Variants in SLC4A1 observed in about 807,000 individuals in gnomAD.
SLC4A1 encodes solute carrier family 4 member 1 (Diego blood group).
Under a neutral mutation model 93.1 loss-of-function variants are expected in SLC4A1, and 29 were observed. The observed-to-expected ratio is 0.31, with a 90% CI of 0.23 to 0.42. The LOEUF is 0.42. Among genes scored for constraint, SLC4A1 ranks in the 20% least tolerant of loss-of-function variants. The pLI, the probability that SLC4A1 is intolerant of heterozygous loss-of-function variation, is 1.00. For synonymous variants in SLC4A1, 469 were observed against 497.2 expected, an observed-to-expected ratio of 0.94 and a Z score of 0.76; for missense variants, 965 against 1,190.1, an observed-to-expected ratio of 0.81 and a Z score of 2.78.
chr17:44,253,020 G>A, intron 17 of SLC4A1, 98 bp downstream of exon 17: 1 of 1,275,414 alleles, frequency 7.8e-7, no homozygotes, highest in South Asian at 1.2e-5. Flanking sequence ...GATGGGGGAG[G>A]CTGGAGGAGG....
rs5013 is a variant in SLC4A1 at position 44,258,576 on chromosome 17, C to T, written c.924G>A (p.Leu308=). The T allele has an allele frequency of 2.9e-3, 4,669 of 1,612,792 alleles. 132 individuals are homozygous for T. In the African/African-American group the frequency reaches 0.056, roughly 19 times the overall value. ...AYMAQSRGEL[L]HSLEGFLDCS... is the part of the protein sequence containing the mutation. Reference sequence around the variant, plus strand: ...AGTCCAGGAAGCCCTCTAGGGAGTGCAGCAGCTCCCCTCGGCTCTGAGCCA... The same window carrying T: ...AGTCCAGGAAGCCCTCTAGGGAGTGTAGCAGCTCCCCTCGGCTCTGAGCCA... Residue 308 remains leucine, a synonymous_variant, in exon 10 of 20, where the codon CTG becomes CTA. Transcript: ENST00000262418. The surrounding 1 kb of genome is among the most constrained non-coding windows in gnomAD (Gnocchi z 6.1).
chr17:44,254,636 C>T lies in SLC4A1; in HGVS notation c.1917G>A (p.Lys639=). 2 of 1,614,104 alleles carry T rather than the reference C, an allele frequency of 1.2e-6. No individual in the cohort carries two copies. Among genetic ancestry groups the T allele is most frequent in the Non-Finnish European group, 8.5e-7 (1 of 1,180,020 alleles). The change falls in exon 16 of 20, where the codon AAG becomes AAA. Residue 639 remains lysine (K), a synonymous_variant. Transcript: ENST00000262418. ...TQKLSVPDGF[K]VSNSSARGWV... Reference sequence around the variant, plus strand: ...AGCCCCGGGCTGAGGAGTTGGACACCTTGAAGCCATCAGGCACCGAGAGTT... The same window carrying T: ...AGCCCCGGGCTGAGGAGTTGGACACTTTGAAGCCATCAGGCACCGAGAGTT...
At chr17:44,267,368 A>G (rs191465712) in intron 1 of SLC4A1, among the ~76,000 whole-genome samples, 1 of 152,338 alleles carries the variant, frequency 6.6e-6, no homozygotes, top group East Asian at 1.9e-4. Context: ...TGTTGTAAGC[A>G]TTAAGGAAAT....
intron 16 of SLC4A1, 42 bp downstream of exon 16, chr17:44,254,454 G>GCCAA: frequency 2.0e-6 from 3 of 1,502,200 alleles, no homozygotes; most frequent in Non-Finnish European, 2.8e-6. Context: ...AAAGGTCCCT[G>GCCAA]CCTCCCACCC....
chr17:44,262,225 C>T (rs2047451975), intron 3 of SLC4A1, among the ~76,000 whole-genome samples: 1 of 152,070 alleles, frequency 6.6e-6, no homozygotes, highest in African/African-American at 2.4e-5. Context: ...AGACCTTGGA[C>T]AGGCCAGGGA....
At position 44,255,810 on chromosome 17, in the gene SLC4A1, A is replaced by G; in HGVS notation, c.1663T>C (p.Tyr555His). The change falls in exon 14 of 20, where the codon TAC becomes CAC. Residue 555 changes from tyrosine (Y) to histidine (H), a missense_variant. Coordinates refer to ENST00000262418, the MANE Select transcript of SLC4A1 (RefSeq NM_000342.4). Reference sequence around the variant, plus strand: ...GGTTTGGGCACCATCAACACGTTGTAGTTATAAGTCTTCTGTAGTGGGTGG... The same window carrying G: ...GGTTTGGGCACCATCAACACGTTGTGGTTATAAGTCTTCTGTAGTGGGTGG... ...QDHPLQKTYN[Y>H]NVLMVPKPQG... 6.2e-7 allele frequency: 1 copy of G among 1,614,142 alleles called. No homozygotes were observed. Among genetic ancestry groups the G allele is most frequent in the Non-Finnish European group, 8.5e-7 (1 of 1,180,022 alleles).
chr17:44,254,471 GC>G (rs758647709), intron 16 of SLC4A1, 24 bp downstream of exon 16: 1 of 1,507,950 alleles, frequency 6.6e-7, no homozygotes, highest in Non-Finnish European at 9.2e-7. Flanking sequence ...ACCCTCCCAG[GC>G]CCAGCCCCCA....
In SLC4A1 at chr17:44,259,927, G is replaced by A; in HGVS notation, c.491C>T (p.Ala164Val). The A allele has an allele frequency of 1.9e-6, 3 of 1,613,938 alleles. No homozygotes were observed. The highest frequency in any genetic ancestry group is 1.1e-5 in the South Asian group (1 of 91,080). Residue 164 changes from alanine to valine, a missense_variant, in exon 7 of 20, where the codon GCT becomes GTT. This residue lies in a region of SLC4A1 where 770 missense variants were observed against 1,006.6 expected (regional missense o/e 0.76). Coordinates refer to ENST00000262418, the MANE Select transcript of SLC4A1 (RefSeq NM_000342.4). Reference sequence around the variant, plus strand: ...ACCCCCCAGGGCCTCCAGCTCTCCAGCGTGGCTGCAGGACGTACAGGGGAC... The same window carrying A: ...ACCCCCCAGGGCCTCCAGCTCTCCAACGTGGCTGCAGGACGTACAGGGGAC... ...LRALLLKHSH[A>V]GELEALGGVK...
rs748658155 is a variant in SLC4A1 at position 44,259,511 on chromosome 17, G to A, written c.680C>T (p.Thr227Met). 8.7e-6 allele frequency: 14 copies of A among 1,613,824 alleles called. 1 individual carries two copies. In the South Asian group the frequency reaches 8.8e-5, roughly 10 times the overall value. The change falls in exon 8 of 20, where the codon ACG becomes ATG. Residue 227 changes from threonine (T) to methionine (M), a missense_variant. By Grantham distance (81) the Thr-to-Met change is moderately conservative. This residue lies in a region of SLC4A1 where 770 missense variants were observed against 1,006.6 expected (regional missense o/e 0.76). Coordinates refer to ENST00000262418, the MANE Select transcript of SLC4A1 (RefSeq NM_000342.4). The part of the protein sequence containing the change: ...LEKIPPDSEA[T>M]LVLVGRADFL... ...CCTGTTCTTACCCACTAGCACCAAC[G>A]TGGCCTCTGAATCCGGGGGAATCTT... is the stretch of plus-strand genomic sequence containing the variant.
chr17:44,250,251 C>G lies in SLC4A1; in HGVS notation c.*207G>C, dbSNP rs1364396208. On this transcript the variant is annotated 3_prime_UTR_variant, in exon 20 of 20. Transcript: ENST00000262418. The stretch of plus-strand genomic sequence containing the variant: ...TGCAACAAACCCCCTAATGTGGGCC[C>G]CATCGGCCATCCCCAGCCAGAAAAG... 1.4e-5 allele frequency: 8 copies of G among 570,086 alleles called. No individual in the cohort carries two copies. The highest frequency in any genetic ancestry group is 2.5e-5 in the Non-Finnish European group (8 of 313,990). 35.3% of individuals were successfully genotyped at this position (570,086 alleles called of 1,614,324 possible).
rs2047319349 is a variant in SLC4A1 at position 44,249,304 on chromosome 17, A to G, written c.*1154T>C. ...GGAGAGCCTGCTGTCTCCTACCCCAATTGGTCAGATCTGGGTTCTCCCCAA... is the reference window on the plus strand; with the variant it reads ...GGAGAGCCTGCTGTCTCCTACCCCAGTTGGTCAGATCTGGGTTCTCCCCAA... On this transcript the variant is annotated 3_prime_UTR_variant, in exon 20 of 20. Transcript: ENST00000262418. The G allele has an allele frequency of 1.5e-5, 6 of 404,008 alleles. No homozygotes were observed. The highest frequency in any genetic ancestry group is 7.4e-5 in the South Asian group (4 of 53,956). The allele number at this position is 404,008 out of a possible 1,614,324, so 25.0% of individuals were successfully genotyped here.
intron 15 of SLC4A1, 54 bp downstream of exon 15, chr17:44,255,153 T>A: frequency 8.4e-7 from 1 of 1,190,330 alleles, no homozygotes; most frequent in Non-Finnish European, 1.2e-6. Context: ...TGCTGGGGGG[T>A]GGAAATGAGG....
At position 44,258,378 on chromosome 17, in the gene SLC4A1, G is replaced by A. The variant is rs747869431; in HGVS notation, c.1087+35C>T. Reference sequence around the variant, plus strand: ...CGCTGAGGTGTCTGGGGGTCGGTGGGGGCTCAGAAAGCCTCAGCTGGGAAG... The same window carrying A: ...CGCTGAGGTGTCTGGGGGTCGGTGGAGGCTCAGAAAGCCTCAGCTGGGAAG... On this transcript the variant is annotated intron_variant, in intron 10 of 19. Coordinates refer to ENST00000262418, the MANE Select transcript of SLC4A1 (RefSeq NM_000342.4). The surrounding 1 kb of genome is among the most constrained non-coding windows in gnomAD (Gnocchi z 6.1). 22 of 1,601,070 alleles carry A rather than the reference G, an allele frequency of 1.4e-5. No individual in the cohort carries two copies. The highest frequency in any genetic ancestry group is 1.9e-5 in the Non-Finnish European group (22 of 1,168,496).
Position 44,249,151 on chromosome 17 carries a change from T to G in SLC4A1, c.*1307A>C, listed in dbSNP as rs2047318282. On this transcript the variant is annotated 3_prime_UTR_variant, in exon 20 of 20. Coordinates refer to ENST00000262418, the MANE Select transcript of SLC4A1 (RefSeq NM_000342.4). ...TGCTGGGATTACAAACGTGAGCCACTGCGCCCAGCCACCTCCTCTCTTTTC... is the reference window on the plus strand; with the variant it reads ...TGCTGGGATTACAAACGTGAGCCACGGCGCCCAGCCACCTCCTCTCTTTTC... 1 of 454,726 alleles carries G rather than the reference T, an allele frequency of 2.2e-6. No homozygotes were observed. The highest frequency in any genetic ancestry group is 1.6e-5 in the South Asian group (1 of 64,432). The allele number at this position is 454,726 out of a possible 1,614,324, so 28.2% of individuals were successfully genotyped here. A position where few individuals can be genotyped will look rare whatever the true frequency, so the allele number is the denominator to read the frequency against.
intron 17 of SLC4A1, among the ~76,000 whole-genome samples, chr17:44,252,182 A>G (rs2047349230): frequency 6.6e-6 from 1 of 150,632 alleles, no homozygotes; most frequent in Admixed American, 6.6e-5. Flanking sequence ...CAGCCTCCCA[A>G]GTAGCTGGGA....
chr17:44,256,617 G>A (rs1453654414), intron 13 of SLC4A1, among the ~76,000 whole-genome samples: 2 of 152,220 alleles, frequency 1.3e-5, no homozygotes, highest in Non-Finnish European at 2.9e-5. Context: ...GAGGGAGTGG[G>A]GGACTTCAGA....
chr17:44,263,061 A>T (rs2047461228), intron 1 of SLC4A1, 127 bp from the exon 2 acceptor site: 1 of 770,178 alleles, frequency 1.3e-6, no homozygotes, highest in African/African-American at 1.7e-5. Context: ...AGAGGAAGGA[A>T]GTGTGGAGGG....
intron 19 of SLC4A1, 101 bp downstream of exon 19, chr17:44,251,058 C>T (rs1354840680): frequency 1.5e-6 from 2 of 1,319,032 alleles, no homozygotes; most frequent in African/African-American, 1.5e-5. Flanking sequence ...CCAGCCCTAG[C>T]CCCAGACTTT....
intron 1 of SLC4A1, among the ~76,000 whole-genome samples, chr17:44,265,495 G>A (rs992793737): frequency 1.3e-5 from 2 of 152,074 alleles, no homozygotes; most frequent in Admixed American, 6.5e-5. Context: ...TCAGCCTCCC[G>A]AGTAGCTGGG....
Sources: allele counts gnomAD v4.1 joint callset (sites outside exome capture counted in the v4.1 genomes callset), GRCh38; gene constraint gnomAD v4.1.1; regional missense constraint gnomAD v4.1.1; non-coding constraint Gnocchi (gnomAD v3.1); transcripts MANE v1.5; gene names NCBI Gene and HGNC (gene_info 2026-07-23, HGNC 2026-07-21).